Variants in CPQ observed in about 807,000 individuals in gnomAD.
CPQ encodes Ser-Met dipeptidase.
Under a neutral mutation model 45.7 loss-of-function variants are expected in CPQ, and 37 were observed. The ratio of observed to expected loss-of-function variants is 0.81; its 90% CI spans 0.62 to 1.07. The LOEUF is 1.07. Among genes scored for constraint, CPQ ranks in the 50% least tolerant of loss-of-function variants. CPQ has a pLI of 0.00. For missense variants in CPQ, 537 were observed against 572.9 expected, an observed-to-expected ratio of 0.94 and a Z score of 0.64; for synonymous variants, 186 against 205.8, an observed-to-expected ratio of 0.90 and a Z score of 0.82.
At chr8:97,040,579 A>G (rs1810100758) in intron 6 of CPQ, among the ~76,000 whole-genome samples, 1 of 152,216 alleles carries the variant, frequency 6.6e-6, no homozygotes, top group Non-Finnish European at 1.5e-5. Context: ...CCTGAATGGT[A>G]ATGCCTAGGT....
chr8:96,860,584 G>A (rs1811913931), intron 3 of CPQ, among the ~76,000 whole-genome samples: 1 of 152,072 alleles, frequency 6.6e-6, no homozygotes, highest in South Asian at 2.1e-4. Context: ...TTGGCATTGA[G>A]CAGTGGGAAA....
At chr8:96,806,954 A>T (rs768621057) in intron 2 of CPQ, among the ~76,000 whole-genome samples, 9 of 152,228 alleles carry the variant, frequency 5.9e-5, no homozygotes, top group Non-Finnish European at 1.0e-4. Context: ...CATGTACCCT[A>T]TAAATGTATA....
chr8:96,776,841 A>G (rs890685246), intron 1 of CPQ, among the ~76,000 whole-genome samples: 8 of 152,200 alleles, frequency 5.3e-5, no homozygotes, highest in Admixed American at 5.2e-4. Flanking sequence ...CTTTGAATAT[A>G]TAACTTCTGA....
At chr8:96,676,235 T>C (rs1211020115) in intron 1 of CPQ, among the ~76,000 whole-genome samples, 1 of 152,022 alleles carries the variant, frequency 6.6e-6, no homozygotes, top group Non-Finnish European at 1.5e-5. Context: ...TTTCTGTATA[T>C]AACCAATCTC....
chr8:96,842,944 GCC>G (rs1225290989), intron 3 of CPQ, among the ~76,000 whole-genome samples: 1 of 152,000 alleles, frequency 6.6e-6, no homozygotes, highest in East Asian at 1.9e-4. Context: ...TGCTCTTGTT[GCC>G]CAGGCTGCAG....
chr8:96,955,645 A>G (rs892964657), intron 4 of CPQ, among the ~76,000 whole-genome samples: 2 of 152,222 alleles, frequency 1.3e-5, no homozygotes, highest in African/African-American at 4.8e-5. Flanking sequence ...TACAGTAACC[A>G]AAACAGCATG....
intron 5 of CPQ, among the ~76,000 whole-genome samples, chr8:97,012,804 T>C (rs373211270): frequency 1.3e-5 from 2 of 152,062 alleles, no homozygotes; most frequent in East Asian, 3.9e-4. Flanking sequence ...ACCTTAGCAA[T>C]GTGAGGTGCA....
chr8:96,707,415 A>G (rs1035636414), intron 1 of CPQ, among the ~76,000 whole-genome samples: 2 of 152,120 alleles, frequency 1.3e-5, no homozygotes, highest in African/African-American at 2.4e-5. Context: ...GTGGCCCAGG[A>G]CAGCTTTGAA....
chr8:97,032,550 C>A (rs1389240343), intron 6 of CPQ, among the ~76,000 whole-genome samples: 1 of 152,194 alleles, frequency 6.6e-6, no homozygotes, highest in Non-Finnish European at 1.5e-5. Flanking sequence ...TATTCTCTAT[C>A]TTTGGCAGAA....
At chr8:96,655,183 G>A (rs984252179) in intron 1 of CPQ, among the ~76,000 whole-genome samples, 3 of 150,876 alleles carry the variant, frequency 2.0e-5, no homozygotes, top group South Asian at 2.1e-4. Context: ...CTCTCTCTTC[G>A]TCTTCTGAAA....
At chr8:96,691,255 C>A (rs115020009) in intron 1 of CPQ, among the ~76,000 whole-genome samples, 1,792 of 152,270 alleles carry the variant, frequency 0.012, 47 homozygotes, top group African/African-American at 0.039. Flanking sequence ...TAACTCTAAT[C>A]TCTGCCTCAG....
At chr8:96,863,434 C>G (rs557745651) in intron 3 of CPQ, among the ~76,000 whole-genome samples, 70 of 152,078 alleles carry the variant, frequency 4.6e-4, no homozygotes, top group African/African-American at 1.6e-3. Flanking sequence ...AACCTGAAGG[C>G]TGACCCTGGA....
At chr8:96,810,055 G>A (rs995131503) in intron 2 of CPQ, among the ~76,000 whole-genome samples, 1 of 152,020 alleles carries the variant, frequency 6.6e-6, no homozygotes, top group Non-Finnish European at 1.5e-5. Context: ...CTTCCCTGGG[G>A]CTCTCATTTC....
intron 7 of CPQ, among the ~76,000 whole-genome samples, chr8:97,120,606 C>T (rs1811684848): frequency 6.6e-6 from 1 of 152,190 alleles, no homozygotes; most frequent in African/African-American, 2.4e-5. Context: ...TCACTGCTAA[C>T]CTGGATGGAA....
At chr8:96,990,914 G>A (rs1809082290) in intron 5 of CPQ, among the ~76,000 whole-genome samples, 2 of 152,174 alleles carry the variant, frequency 1.3e-5, no homozygotes, top group Non-Finnish European at 2.9e-5. Flanking sequence ...GCAATCCATA[G>A]ATATGCTTGT....
chr8:96,766,882 CTG>C (rs1810474567), intron 1 of CPQ, among the ~76,000 whole-genome samples: 2 of 151,954 alleles, frequency 1.3e-5, no homozygotes, highest in South Asian at 2.1e-4. Context: ...ACTTTGCTCT[CTG>C]TTGCTCTGTG....
At chr8:96,954,470 AC>A (rs1327796815) in intron 4 of CPQ, among the ~76,000 whole-genome samples, 2 of 152,154 alleles carry the variant, frequency 1.3e-5, no homozygotes, top group African/African-American at 4.8e-5. Flanking sequence ...AAGAAAGTGA[AC>A]AGTCTTTTTT....
intron 7 of CPQ, among the ~76,000 whole-genome samples, chr8:97,069,438 C>T (rs1490213280): frequency 1.3e-5 from 2 of 149,126 alleles, no homozygotes; most frequent in East Asian, 3.9e-4. Flanking sequence ...TAAGATCAGC[C>T]TGGGCAACAC....
chr8:96,840,216 A>G (rs147289584), intron 3 of CPQ, among the ~76,000 whole-genome samples: 2 of 152,318 alleles, frequency 1.3e-5, no homozygotes, highest in Non-Finnish European at 2.9e-5. Flanking sequence ...ACTGCATGAT[A>G]TATTTGGGTA....
Sources: allele counts gnomAD v4.1 joint callset (sites outside exome capture counted in the v4.1 genomes callset), GRCh38; gene constraint gnomAD v4.1.1; transcripts MANE v1.5; gene names NCBI Gene and HGNC (gene_info 2026-07-23, HGNC 2026-07-21).